MAGI2: variants seen among roughly 807,000 people sequenced by gnomAD.
The protein encoded by MAGI2 is membrane associated guanylate kinase, WW and PDZ domain containing 2.
A neutral mutation model predicts 133.3 loss-of-function variants in MAGI2; 35 were observed. The observed-to-expected ratio is 0.26, with a 90% CI of 0.20 to 0.35. The LOEUF (loss-of-function observed/expected upper bound fraction) is 0.35. Among genes scored for constraint, MAGI2 ranks in the 10% least tolerant of loss-of-function variants. The probability of loss-of-function intolerance (pLI) is 1.00; values close to 1 mark genes in which losing one functional copy is unlikely to be tolerated. For missense variants in MAGI2, 1,636 were observed against 1,863.4 expected (o/e 0.88, Z 2.25); for synonymous variants, 729 against 710.6 (o/e 1.03, Z -0.41).
intron 1 of MAGI2, among the ~76,000 whole-genome samples, chr7:79,364,372 T>C (rs896799984): frequency 1.3e-5 from 2 of 152,062 alleles, no homozygotes; most frequent in Non-Finnish European, 2.9e-5. Context: ...AAAATAAGTA[T>C]GTGAGGTAAT....
chr7:78,361,844 T>G (rs1018712586), intron 7 of MAGI2, among the ~76,000 whole-genome samples: 1 of 152,178 alleles, frequency 6.6e-6, no homozygotes, highest in African/African-American at 2.4e-5. Context: ...ATGTCGATTC[T>G]GCTAGAATGA....
At chr7:78,771,116 T>TTC (rs150535680) in intron 2 of MAGI2, 37 of 149,816 alleles carry the variant, frequency 2.5e-4, no homozygotes, top group Middle Eastern at 3.4e-3. Context: ...CATGCAGCAC[T>TTC]TCTCTCTCTC....
chr7:78,299,052 A>G (rs1797595912), intron 9 of MAGI2, among the ~76,000 whole-genome samples: 1 of 151,878 alleles, frequency 6.6e-6, no homozygotes, highest in African/African-American at 2.4e-5. Flanking sequence ...TCCTGACTTC[A>G]GGAGATCCAC....
chr7:79,156,652 A>G (rs1823809418), intron 1 of MAGI2, among the ~76,000 whole-genome samples: 1 of 152,032 alleles, frequency 6.6e-6, no homozygotes, highest in African/African-American at 2.4e-5. Context: ...GTATCTCTCA[A>G]ACATATTTGA....
intron 2 of MAGI2, among the ~76,000 whole-genome samples, chr7:78,837,813 G>A (rs1466210053): frequency 2.6e-5 from 4 of 151,836 alleles, no homozygotes; most frequent in Non-Finnish European, 5.9e-5. Flanking sequence ...CTTTTTATTC[G>A]TACTAGAAGC....
In MAGI2 at chr7:78,229,878, C is replaced by T. The variant is rs1036338360; in HGVS notation, c.2047+26065G>A. 3.3e-5 allele frequency among the ~76,000 whole-genome samples: 5 copies of T among 151,968 alleles called. 1 individual carries two copies. Among genetic ancestry groups the T allele is most frequent in the Non-Finnish European group, 5.9e-5 (4 of 68,024 alleles). ...AAAACTGAGACTCCAGACACAGATT[C>T]GGAGGATCCCCAGCCATTCTTGGCC... On this transcript the variant is annotated intron_variant, in intron 10 of 21. Coordinates refer to ENST00000354212, the MANE Select transcript of MAGI2 (RefSeq NM_012301.4).
At chr7:79,069,124 C>T (rs574455606) in intron 1 of MAGI2, among the ~76,000 whole-genome samples, 1 of 152,008 alleles carries the variant, frequency 6.6e-6, no homozygotes, top group East Asian at 1.9e-4. Context: ...TCTGCTTGAT[C>T]CAGAGCTGAG....
At chr7:78,813,804 A>AAC (rs35914649) in intron 2 of MAGI2, among the ~76,000 whole-genome samples, 7 of 140,034 alleles carry the variant, frequency 5.0e-5, no homozygotes, top group South Asian at 2.4e-4. Context: ...AAAAAAAAAA[A>AAC]CACAAAAAGC....
rs1430669098 is a variant in MAGI2, at chr7:78,790,283, G to A, written c.419-163044C>T. On this transcript the variant is annotated intron_variant, in intron 2 of 21. Transcript: ENST00000354212. ...CTTGGCAATATCTGAGATATGATAT[G>A]ATGCCTTGCTCTTTTAAAAAATACC... is the stretch of plus-strand genomic sequence containing the variant. Among the ~76,000 whole-genome samples, 4 of 152,192 alleles carry A rather than the reference G, an allele frequency of 2.6e-5. 1 individual carries two copies. The highest frequency in any genetic ancestry group is 4.2e-4 in the South Asian group (2 of 4,816).
intron 1 of MAGI2, among the ~76,000 whole-genome samples, chr7:79,427,323 C>T (rs1188197327): frequency 6.6e-6 from 1 of 152,088 alleles, no homozygotes; most frequent in Non-Finnish European, 1.5e-5. Context: ...CACATGTATA[C>T]ATATGTAACA....
chr7:79,397,664 A>G (rs533340876), intron 1 of MAGI2, among the ~76,000 whole-genome samples: 21 of 152,242 alleles, frequency 1.4e-4, no homozygotes, highest in African/African-American at 4.8e-4. Context: ...TGACTATCTC[A>G]TATACTTGTT....
chr7:78,918,895 A>G (rs1051214497), intron 2 of MAGI2, among the ~76,000 whole-genome samples: 1 of 152,174 alleles, frequency 6.6e-6, no homozygotes, highest in East Asian at 1.9e-4. Flanking sequence ...AGAGATGCCC[A>G]AAGTGCTTAT....
intron 2 of MAGI2, among the ~76,000 whole-genome samples, chr7:78,780,486 A>G (rs1002865744): frequency 3.3e-5 from 5 of 151,982 alleles, no homozygotes; most frequent in Non-Finnish European, 7.4e-5. Context: ...CCTAATCAGT[A>G]CTCCCACTTG....
At chr7:78,133,918 C>G (rs151134665) in intron 17 of MAGI2, among the ~76,000 whole-genome samples, 103 of 152,264 alleles carry the variant, frequency 6.8e-4, no homozygotes, top group Non-Finnish European at 1.2e-3. Flanking sequence ...TCTTCCCCCC[C>G]CTTTTTTCCC....
chr7:78,038,865 G>A (rs1356796975), intron 21 of MAGI2, among the ~76,000 whole-genome samples: 5 of 152,220 alleles, frequency 3.3e-5, no homozygotes, highest in Admixed American at 1.3e-4. Flanking sequence ...GTTCGTGGGC[G>A]TTTTCACTGA....
intron 1 of MAGI2, among the ~76,000 whole-genome samples, chr7:79,218,544 T>G (rs892437256): frequency 2.6e-5 from 4 of 152,078 alleles, no homozygotes; most frequent in Non-Finnish European, 5.9e-5. Context: ...CATGTAAAAT[T>G]GTTATTACTG....
intron 21 of MAGI2, among the ~76,000 whole-genome samples, chr7:78,069,799 C>T (rs1267393790): frequency 1.3e-5 from 2 of 151,954 alleles, no homozygotes; most frequent in Non-Finnish European, 2.9e-5. Context: ...TGCCTTTTCT[C>T]CTGGACTCTT....
Position 78,017,627 on chromosome 7 carries a change from A to AT in MAGI2, c.*1687dup, listed in dbSNP as rs973912679. The AT allele has an allele frequency of 3.1e-4, 48 of 152,756 alleles. No individual in the cohort carries two copies. Among genetic ancestry groups the AT allele is most frequent in the African/African-American group, 1.1e-3 (47 of 41,590 alleles). 9.5% of individuals were successfully genotyped at this position (152,756 alleles called of 1,614,324 possible). A position where few individuals can be genotyped will look rare whatever the true frequency, so the allele number is the denominator to read the frequency against. ...CTTTTGTTTACGATGAATGGGTTTC[A>AT]TTTTTGGAAATTGCTTTTACAAGCT... is the stretch of plus-strand genomic sequence containing the variant. On this transcript the variant is annotated 3_prime_UTR_variant, in exon 22 of 22. Coordinates refer to ENST00000354212, the MANE Select transcript of MAGI2 (RefSeq NM_012301.4).
intron 2 of MAGI2, among the ~76,000 whole-genome samples, chr7:78,808,137 G>T (rs112981456): frequency 4.1e-4 from 63 of 152,244 alleles, no homozygotes; most frequent in Middle Eastern, 3.4e-3. Context: ...TAGAATTTAT[G>T]GTTTAAACAA....
Sources: gnomAD v4.1 joint callset for allele counts (sites outside exome capture counted in the v4.1 genomes callset) on GRCh38, gnomAD v4.1.1 for gene constraint, MANE v1.5 for transcripts, NCBI Gene and HGNC (gene_info 2026-07-23, HGNC 2026-07-21) for gene names.